Variants in LTBP2 observed in about 807,000 individuals in gnomAD.
LTBP2 encodes the protein latent-transforming growth factor beta-binding protein 2.
LTBP2 carries 103 observed loss-of-function variants against 210.6 expected under a neutral mutation model. That is an observed-to-expected ratio of 0.49 (90% CI 0.42 to 0.58). LTBP2 has a LOEUF of 0.58. Among genes scored for constraint, LTBP2 ranks in the 20% least tolerant of loss-of-function variants. The probability of loss-of-function intolerance (pLI) is 0.00; values close to 1 mark genes in which losing one functional copy is unlikely to be tolerated. For synonymous variants in LTBP2, 1,007 were observed against 1,015.0 expected, an observed-to-expected ratio of 0.99 and a Z score of 0.15; for missense variants, 2,313 against 2,494.5, an observed-to-expected ratio of 0.93 and a Z score of 1.55.
chr14:74,584,393 C>G (rs1195675342), intron 3 of LTBP2, among the ~76,000 whole-genome samples: 2 of 152,144 alleles, frequency 1.3e-5, no homozygotes, highest in Non-Finnish European at 2.9e-5. Context: ...ATCCCACAAG[C>G]CAAAAGAGAT....
At chr14:74,532,822 A>G (rs999363918) in intron 9 of LTBP2, among the ~76,000 whole-genome samples, 1 of 152,168 alleles carries the variant, frequency 6.6e-6, no homozygotes, top group Non-Finnish European at 1.5e-5. Context: ...CATAATATTA[A>G]GAGCTAATGT....
intron 31 of LTBP2, 107 bp downstream of exon 31, chr14:74,503,819 C>A: frequency 6.6e-7 from 1 of 1,524,874 alleles, no homozygotes; most frequent in Non-Finnish European, 8.9e-7. Context: ...GGCGGCCTCC[C>A]TAGGAAGGGG....
intron 1 of LTBP2, among the ~76,000 whole-genome samples, chr14:74,606,961 G>T (rs140751703): frequency 6.6e-6 from 1 of 152,116 alleles, no homozygotes; most frequent in African/African-American, 2.4e-5. Context: ...GTCATTGGTT[G>T]TATCTCAGTC....
chr14:74,523,013 G>T lies in LTBP2; in HGVS notation c.2531-95C>A. 4 of 1,495,858 alleles carry T rather than the reference G, an allele frequency of 2.7e-6. No homozygotes were observed. The South Asian group carries it at 3.7e-5, about 14-fold the overall frequency. 92.7% of individuals were successfully genotyped at this position (1,495,858 alleles called of 1,614,324 possible). A position where few individuals can be genotyped will look rare whatever the true frequency, so the allele number is the denominator to read the frequency against. On this transcript the variant is annotated intron_variant, in intron 15 of 35. Transcript: ENST00000261978. ...GGGACAGTCAGTGGCCAGGGTCTAG[G>T]GGCCTCAGAAGGCCAACCTTAGCCA...
At position 74,611,697 on chromosome 14, in the gene LTBP2, T is replaced by G; in HGVS notation, c.248A>C (p.Gln83Pro). The G allele has an allele frequency of 6.3e-7, 1 of 1,584,772 alleles. No homozygotes were observed. The highest frequency in any genetic ancestry group is 8.5e-7 in the Non-Finnish European group (1 of 1,171,824). The change falls in exon 1 of 36, where the codon CAG becomes CCG. Residue 83 changes from glutamine (Q) to proline (P), a missense_variant. Gln to Pro is a moderately conservative substitution (Grantham distance 76). This residue lies in a region of LTBP2 where 1,867 missense variants were observed against 1,976.9 expected (regional missense o/e 0.94). Coordinates refer to ENST00000261978, the MANE Select transcript of LTBP2 (RefSeq NM_000428.3). Reference sequence around the variant, plus strand: ...GCCCGGCTGGGCCCGCTCCACGGGCTGCAAGCCCGCGACAGGCGCGTCCTG... The same window carrying G: ...GCCCGGCTGGGCCCGCTCCACGGGCGGCAAGCCCGCGACAGGCGCGTCCTG... ...REQDAPVAGL[Q>P]PVERAQPGWG...
rs111432123 is a variant in LTBP2 at position 74,586,859 on chromosome 14, G to T, written c.566-741C>A. ...GAATATAGCTGCCGGCACCACAGCC[G>T]CTGCCGGCCAGGTAAGTGCCCCGCT... On this transcript the variant is annotated intron_variant, in intron 2 of 35. Transcript: ENST00000261978. The surrounding 1 kb of genome is among the most constrained non-coding windows in gnomAD (Gnocchi z 4.6). 1.3e-5 allele frequency among the ~76,000 whole-genome samples: 2 copies of T among 152,182 alleles called. No homozygotes were observed. The highest frequency in any genetic ancestry group is 2.9e-5 in the Non-Finnish European group (2 of 68,032).
intron 1 of LTBP2, among the ~76,000 whole-genome samples, chr14:74,609,003 A>G (rs1316163199): frequency 6.6e-6 from 1 of 152,172 alleles, no homozygotes; most frequent in Non-Finnish European, 1.5e-5. Flanking sequence ...CTTCCAAAAT[A>G]TTTGTCGAAT....
chr14:74,515,629 A>C (rs1209489012), intron 18 of LTBP2, among the ~76,000 whole-genome samples: 3 of 152,142 alleles, frequency 2.0e-5, no homozygotes, highest in African/African-American at 7.2e-5. Flanking sequence ...TTTTTGATAA[A>C]GTCTAATGTC....
intron 2 of LTBP2, among the ~76,000 whole-genome samples, chr14:74,597,121 G>A (rs527602619): frequency 2.0e-5 from 3 of 152,224 alleles, no homozygotes; most frequent in African/African-American, 7.2e-5. Context: ...CAGAGGAGAA[G>A]CAGCAGCCAG....
intron 9 of LTBP2, among the ~76,000 whole-genome samples, chr14:74,532,901 G>A (rs1400415638): frequency 1.3e-5 from 2 of 152,194 alleles, no homozygotes; most frequent in East Asian, 3.9e-4. Context: ...GTGCAGGGGT[G>A]TGATCTCAGC....
intron 3 of LTBP2, among the ~76,000 whole-genome samples, chr14:74,574,750 C>G (rs2088033385): frequency 6.6e-6 from 1 of 152,124 alleles, no homozygotes; most frequent in South Asian, 2.1e-4. Context: ...GGATGCGGTC[C>G]ATATATTCCT....
At chr14:74,600,829 C>G (rs1404841410) in intron 2 of LTBP2, among the ~76,000 whole-genome samples, 1 of 152,212 alleles carries the variant, frequency 6.6e-6, no homozygotes, top group Non-Finnish European at 1.5e-5. Flanking sequence ...GGCCCTGCTA[C>G]TCAAAGTGTG....
chr14:74,584,473 G>C lies in LTBP2; in HGVS notation c.830+1381C>G, dbSNP rs115295828. On this transcript the variant is annotated intron_variant, in intron 3 of 35. Coordinates refer to ENST00000261978, the MANE Select transcript of LTBP2 (RefSeq NM_000428.3). ...GCTGGCCCTTGAACTGGCACCTCTA[G>C]TATTCCTCCAGGTGCCTTACACCAG... Among the ~76,000 whole-genome samples, 95 of 152,246 alleles carry C rather than the reference G, an allele frequency of 6.2e-4. 1 individual carries two copies. The highest frequency in any genetic ancestry group is 2.2e-3 in the African/African-American group (92 of 41,534).
chr14:74,499,582 C>T lies in LTBP2; in HGVS notation c.*1302G>A, dbSNP rs191692241. The T allele has an allele frequency of 1.8e-5, 4 of 227,778 alleles. No homozygotes were observed. The highest frequency in any genetic ancestry group is 1.8e-4 in the South Asian group (1 of 5,486). 14.1% of individuals were successfully genotyped at this position (227,778 alleles called of 1,614,324 possible). A position where few individuals can be genotyped will look rare whatever the true frequency, so the allele number is the denominator to read the frequency against. Reference sequence around the variant, plus strand: ...TACATTGCCATTCATCAGAGAAGTACGAAGTCAGAGCTTTCCTTGTCTTTT... The same window carrying T: ...TACATTGCCATTCATCAGAGAAGTATGAAGTCAGAGCTTTCCTTGTCTTTT... On this transcript the variant is annotated 3_prime_UTR_variant, in exon 36 of 36. Transcript: ENST00000261978.
Position 74,509,722 on chromosome 14 carries a change from C to T in LTBP2, c.3277+12G>A. The stretch of plus-strand genomic sequence containing the variant: ...ATTCTGTCCCCTTCCACCACTGCCT[C>T]CCCAGGGTTACCTTCACAGGCAGTG... On this transcript the variant is annotated intron_variant, in intron 21 of 35. Coordinates refer to ENST00000261978, the MANE Select transcript of LTBP2 (RefSeq NM_000428.3). 5.0e-6 allele frequency: 8 copies of T among 1,614,010 alleles called. No individual in the cohort carries two copies. Among genetic ancestry groups the T allele is most frequent in the Non-Finnish European group, 6.8e-6 (8 of 1,179,998 alleles).
chr14:74,590,002 C>T (rs2088259846), intron 2 of LTBP2, among the ~76,000 whole-genome samples: 2 of 152,176 alleles, frequency 1.3e-5, no homozygotes, highest in South Asian at 2.1e-4. Flanking sequence ...CCATCCTTCA[C>T]ATTAACAATA....
intron 8 of LTBP2, 152 bp from the exon 9 acceptor site, chr14:74,536,152 C>T: frequency 2.8e-6 from 2 of 712,882 alleles, no homozygotes; most frequent in South Asian, 1.5e-5. Flanking sequence ...GCTGTGCTTC[C>T]TGGTTCTCAC....
intron 13 of LTBP2, 106 bp from the exon 14 acceptor site, chr14:74,526,220 ATTCATG>A: frequency 8.9e-7 from 1 of 1,121,882 alleles, no homozygotes; most frequent in Non-Finnish European, 1.3e-6. Context: ...CCAGGAGCTC[ATTCATG>A]TTTTCATTCA....
chr14:74,543,546 C>CTCCCTTTTTCCTTCCTTCCT (rs2087540252), intron 8 of LTBP2, among the ~76,000 whole-genome samples: 12 of 124,628 alleles, frequency 9.6e-5, no homozygotes, highest in African/African-American at 3.7e-4. Flanking sequence ...TTTTTCCTCC[C>CTCCCTTTTTCCTTCCTTCCT]TCCCTCCCTT....
Sources: allele counts gnomAD v4.1 joint callset (sites outside exome capture counted in the v4.1 genomes callset), GRCh38; gene constraint gnomAD v4.1.1; regional missense constraint gnomAD v4.1.1; non-coding constraint Gnocchi (gnomAD v3.1); transcripts MANE v1.5; gene names NCBI Gene and HGNC (gene_info 2026-07-23, HGNC 2026-07-21).